Variants in GCSAML observed in about 807,000 individuals in gnomAD.
The protein encoded by GCSAML is germinal center-associated signaling and motility-like protein.
In GCSAML, 9 loss-of-function variants were observed where a neutral mutation model predicts 13.0. The observed-to-expected ratio is 0.69, with a 90% CI of 0.42 to 1.21. The LOEUF (loss-of-function observed/expected upper bound fraction) is 1.21. Ranked by LOEUF, GCSAML falls within the 50% of genes most tolerant of loss-of-function variation. GCSAML has a pLI of 0.00. For missense variants in GCSAML, 143 were observed against 153.4 expected (o/e 0.93, Z 0.36); for synonymous variants, 37 against 52.9 (o/e 0.70, Z 1.31).
intron 2 of GCSAML, among the ~76,000 whole-genome samples, chr1:247,535,307 C>G (rs1364074819): frequency 6.6e-6 from 1 of 152,004 alleles, no homozygotes; most frequent in African/African-American, 2.4e-5. Flanking sequence ...AGAGCAAGAC[C>G]CTGTCTCAAA....
At chr1:247,516,553 G>GTTTTTTTTTTTT (rs10710175) in intron 1 of GCSAML, among the ~76,000 whole-genome samples, 1 of 135,994 alleles carries the variant, frequency 7.4e-6, no homozygotes. Context: ...CATGTTGACT[G>GTTTTTTTTTTTT]TTTTTTTTTT....
intron 2 of GCSAML, among the ~76,000 whole-genome samples, chr1:247,560,944 T>A (rs1438952696): frequency 2.0e-5 from 3 of 152,140 alleles, no homozygotes; most frequent in Admixed American, 6.6e-5. Context: ...TGTTTAGATT[T>A]TTTTTATTTT....
chr1:247,532,443 T>C, intron 2 of GCSAML: 1 of 1,613,912 alleles, frequency 6.2e-7, no homozygotes, highest in Non-Finnish European at 8.5e-7. Context: ...CAGTTTCTAG[T>C]GAGGGTCGTG....
intron 1 of GCSAML, among the ~76,000 whole-genome samples, chr1:247,523,110 C>G (rs1666517551): frequency 6.6e-6 from 1 of 152,182 alleles, no homozygotes; most frequent in South Asian, 2.1e-4. Flanking sequence ...GTCAGTAGCT[C>G]TTGCTCTGCA....
chr1:247,519,913 G>A lies in GCSAML; in HGVS notation c.-262-7027G>A, dbSNP rs974783570. On this transcript the variant is annotated intron_variant, in intron 1 of 5. Coordinates refer to the GCSAML transcript ENST00000366489. ...ACAGCTGCTTAGCATGGGAGAGTTT[G>A]CCAGGATAAATGATGATGATATGTT... Among the ~76,000 whole-genome samples, 7 of 152,174 alleles carry A rather than the reference G, an allele frequency of 4.6e-5. No individual in the cohort carries two copies. The East Asian group carries it at 9.6e-4, about 21-fold the overall frequency.
chr1:247,557,019 C>A (rs1250797604), intron 2 of GCSAML, among the ~76,000 whole-genome samples: 6 of 152,076 alleles, frequency 3.9e-5, no homozygotes, highest in Non-Finnish European at 8.8e-5. Flanking sequence ...CTCAGCCTCA[C>A]TTTAGGGCAT....
rs1437002229 is a variant in GCSAML at position 247,526,446 on chromosome 1, A to C, written c.-262-494A>C. The C allele has an allele frequency of 6.5e-6, 1 of 155,012 alleles. No individual in the cohort carries two copies. The highest frequency in any genetic ancestry group is 1.4e-5 in the Non-Finnish European group (1 of 69,936). 9.6% of individuals were successfully genotyped at this position (155,012 alleles called of 1,614,324 possible). Reference sequence around the variant, plus strand: ...TGATCCCAGAGAGCAGGAAAGGGCAAGGACAAAGAGGGTTTGGCCATGACC... The same window carrying C: ...TGATCCCAGAGAGCAGGAAAGGGCACGGACAAAGAGGGTTTGGCCATGACC... On this transcript the variant is annotated intron_variant, in intron 1 of 5. Transcript: ENST00000366489. This position sits in a 1 kb window ranked among gnomAD's most constrained non-coding sequence, Gnocchi z 4.8.
intron 2 of GCSAML, among the ~76,000 whole-genome samples, chr1:247,543,776 TA>T (rs1223495021): frequency 6.6e-6 from 1 of 152,102 alleles, no homozygotes; most frequent in Non-Finnish European, 1.5e-5. Flanking sequence ...TTCTGCAGGT[TA>T]ACCTCTAATC....
intron 4 of GCSAML, among the ~76,000 whole-genome samples, chr1:247,572,431 T>C (rs1429507330): frequency 6.6e-6 from 1 of 152,220 alleles, no homozygotes; most frequent in Non-Finnish European, 1.5e-5. Context: ...GCTTTCTGTT[T>C]GTTAGTTTTC....
chr1:247,529,716 GTGTTTTTT>G (rs1304395635), intron 2 of GCSAML: 13 of 77,216 alleles, frequency 1.7e-4, no homozygotes, highest in Non-Finnish European at 2.9e-4. Context: ...TACTGTGAAG[GTGTTTTTT>G]TTTTTTTTTT....
intron 2 of GCSAML, chr1:247,531,855 G>GT (rs570164676): frequency 3.4e-4 from 550 of 1,614,056 alleles, no homozygotes; most frequent in Non-Finnish European, 4.3e-4. Flanking sequence ...CAATGTGGCC[G>GT]TAAGAGACCA....
At chr1:247,561,884 G>A (rs1668140689) in intron 2 of GCSAML, among the ~76,000 whole-genome samples, 1 of 152,034 alleles carries the variant, frequency 6.6e-6, no homozygotes, top group Non-Finnish European at 1.5e-5. Flanking sequence ...GGCTCACCCG[G>A]CGCCGCAAAG....
chr1:247,559,889 G>C (rs369522909), intron 2 of GCSAML, among the ~76,000 whole-genome samples: 17 of 152,228 alleles, frequency 1.1e-4, no homozygotes, highest in African/African-American at 4.1e-4. Context: ...CCAATCTTAT[G>C]ACCTTGTTTT....
chr1:247,564,503 C>G (rs1236660485), intron 3 of GCSAML, among the ~76,000 whole-genome samples: 1 of 151,954 alleles, frequency 6.6e-6, no homozygotes. Context: ...ACAAGTATAC[C>G]TAAAGGAAAC....
intron 1 of GCSAML, among the ~76,000 whole-genome samples, chr1:247,511,811 C>CT (rs1157584779): frequency 6.6e-6 from 1 of 152,166 alleles, no homozygotes; most frequent in Non-Finnish European, 1.5e-5. Flanking sequence ...AAACTCATTT[C>CT]TTTAAGAATG....
At chr1:247,515,208 T>A (rs1666170288) in intron 1 of GCSAML, among the ~76,000 whole-genome samples, 1 of 152,180 alleles carries the variant, frequency 6.6e-6, no homozygotes, top group South Asian at 2.1e-4. Flanking sequence ...TAAGGAGCCA[T>A]TAGACAAGGC....
chr1:247,566,696 G>T (rs1033832393), intron 4 of GCSAML, among the ~76,000 whole-genome samples: 5 of 152,086 alleles, frequency 3.3e-5, no homozygotes, highest in African/African-American at 1.2e-4. Flanking sequence ...GCATTGACAA[G>T]TATGGTGGAA....
intron 2 of GCSAML, among the ~76,000 whole-genome samples, chr1:247,538,950 C>T (rs1667317873): frequency 6.6e-6 from 1 of 152,214 alleles, no homozygotes; most frequent in Non-Finnish European, 1.5e-5. Context: ...CTGCAGTCTC[C>T]TCTTCTCAGT....
chr1:247,507,394 G>A (rs1665867616), intron 1 of GCSAML, among the ~76,000 whole-genome samples: 1 of 152,172 alleles, frequency 6.6e-6, no homozygotes, highest in African/African-American at 2.4e-5. Flanking sequence ...GTAATGTTAT[G>A]AGGACATAAA....
Sources: allele counts gnomAD v4.1 joint callset (sites outside exome capture counted in the v4.1 genomes callset), GRCh38; gene constraint gnomAD v4.1.1; non-coding constraint Gnocchi (gnomAD v3.1); transcripts MANE v1.5; gene names NCBI Gene and HGNC (gene_info 2026-07-23, HGNC 2026-07-21).